PDE1C: variants seen among roughly 807,000 people sequenced by gnomAD.
The protein encoded by PDE1C is dual specificity calcium/calmodulin-dependent 3',5'-cyclic nucleotide phosphodiesterase 1C.
PDE1C carries 62 observed loss-of-function variants against 93.1 expected under a neutral mutation model. The ratio of observed to expected loss-of-function variants is 0.67; its 90% confidence interval spans 0.54 to 0.82. The LOEUF is 0.82. PDE1C is among the 40% of genes least tolerant of loss of function. PDE1C has a pLI of 0.00. For synonymous variants in PDE1C, 325 were observed against 310.1 expected (o/e 1.05, Z -0.50); for missense variants, 742 against 884.6 (o/e 0.84, Z 2.04).
chr7:31,800,120 C>T (rs548539857), intron 16 of PDE1C, among the ~76,000 whole-genome samples: 20 of 151,454 alleles, frequency 1.3e-4, no homozygotes, highest in South Asian at 2.1e-4. Context: ...TTAATTGGGT[C>T]GTTTTCTTAT....
chr7:32,321,571 T>C (rs553358322), intron 1 of PDE1C, among the ~76,000 whole-genome samples: 1 of 152,350 alleles, frequency 6.6e-6, no homozygotes, highest in East Asian at 1.9e-4. Flanking sequence ...TTCCTGCTTC[T>C]CTTCAAGTGA....
intron 2 of PDE1C, among the ~76,000 whole-genome samples, chr7:31,933,967 C>G (rs747118004): frequency 3.9e-5 from 6 of 152,164 alleles, no homozygotes; most frequent in Non-Finnish European, 1.5e-5. Flanking sequence ...GCCTAATACA[C>G]TTAAGAAAAT....
intron 7 of PDE1C, among the ~76,000 whole-genome samples, chr7:31,864,699 T>C (rs902206511): frequency 7.2e-5 from 11 of 152,208 alleles, no homozygotes; most frequent in African/African-American, 2.4e-4. Flanking sequence ...AAATTGGTTA[T>C]AACCCAGTGA....
At chr7:32,282,157 T>TAAA (rs34769998) in intron 1 of PDE1C, among the ~76,000 whole-genome samples, 6 of 134,696 alleles carry the variant, frequency 4.5e-5, no homozygotes, top group Admixed American at 7.5e-5. Context: ...TAAAGTATAA[T>TAAA]AAAAAAAAAA....
chr7:32,005,574 A>AC (rs1786109795), intron 2 of PDE1C, among the ~76,000 whole-genome samples: 4 of 143,694 alleles, frequency 2.8e-5, no homozygotes, highest in Non-Finnish European at 3.1e-5. Context: ...AAAAAAAAAA[A>AC]AAAAAAAGAA....
At chr7:32,387,963 C>T (rs1784674581) in intron 1 of PDE1C, among the ~76,000 whole-genome samples, 1 of 152,184 alleles carries the variant, frequency 6.6e-6, no homozygotes, top group Admixed American at 6.5e-5. Flanking sequence ...TACACTTATG[C>T]CTTTGTGTCC....
At chr7:31,651,367 C>G in the PDE1C span, 1 of 1,354,322 alleles carries the variant, frequency 7.4e-7, no homozygotes, top group African/African-American at 1.5e-5. Flanking sequence ...TGGAGCAGAG[C>G]TAATGAGAAA....
chr7:31,882,220 T>C (rs902401694), intron 2 of PDE1C, among the ~76,000 whole-genome samples: 1 of 152,028 alleles, frequency 6.6e-6, no homozygotes, highest in African/African-American at 2.4e-5. Flanking sequence ...CTGCAATATA[T>C]CAAACGGAAA....
At chr7:32,133,182 A>G (rs1214479638) in intron 3 of PDE1C, among the ~76,000 whole-genome samples, 1 of 152,218 alleles carries the variant, frequency 6.6e-6, no homozygotes, top group Non-Finnish European at 1.5e-5. Flanking sequence ...ACATATATAC[A>G]GCGTTTAAAG....
chr7:31,744,528 T>C, the PDE1C span, among the ~76,000 whole-genome samples: 1 of 152,148 alleles, frequency 6.6e-6, no homozygotes, highest in East Asian at 1.9e-4. Flanking sequence ...GATCTGTTGC[T>C]TGAGTACATC....
At chr7:32,356,691 GTTTAT>G (rs1784036019) in intron 1 of PDE1C, among the ~76,000 whole-genome samples, 1 of 152,170 alleles carries the variant, frequency 6.6e-6, no homozygotes, top group Admixed American at 6.5e-5. Context: ...TGGTCTGTTA[GTTTAT>G]TTTATTTAAT....
chr7:31,661,423 G>T, the PDE1C span, among the ~76,000 whole-genome samples: 18,646 of 152,108 alleles, frequency 0.12, 1,480 homozygotes, highest in South Asian at 0.17. Context: ...ACATAATTGG[G>T]AATATTGGGC....
chr7:31,634,499 A>C, the PDE1C span, among the ~76,000 whole-genome samples: 8 of 152,180 alleles, frequency 5.3e-5, no homozygotes, highest in African/African-American at 1.7e-4. Context: ...CAGAGAGAGT[A>C]AGAGGCAAGC....
intron 2 of PDE1C, among the ~76,000 whole-genome samples, chr7:32,171,606 GTTATTA>G (rs915507173): frequency 6.7e-6 from 1 of 149,782 alleles, no homozygotes; most frequent in East Asian, 2.0e-4. Flanking sequence ...TTTACTTAAT[GTTATTA>G]TTATATTATT....
intron 2 of PDE1C, among the ~76,000 whole-genome samples, chr7:32,181,699 A>G (rs1038541334): frequency 3.3e-5 from 5 of 152,144 alleles, no homozygotes; most frequent in African/African-American, 1.2e-4. Flanking sequence ...AGAAAGCAGG[A>G]AAGATCTAAA....
rs71559203 is a variant in PDE1C at position 31,794,041 on chromosome 7, T to TAGACAGACAGAC, written c.1891+14978_1891+14989dup. On this transcript the variant is annotated intron_variant, in intron 16 of 17. Coordinates refer to ENST00000396191, the MANE Select transcript of PDE1C (RefSeq NM_001191057.4). The stretch of plus-strand genomic sequence containing the variant: ...ATAGATAGATAGATAGATAGATAGA[T>TAGACAGACAGAC]AGACAGACAGACAGACAGACAGACA... Among the ~76,000 whole-genome samples, 74 of 89,568 alleles carry TAGACAGACAGAC rather than the reference T, an allele frequency of 8.3e-4. 1 individual carries two copies. Among genetic ancestry groups the TAGACAGACAGAC allele is most frequent in the East Asian group, 2.5e-3 (7 of 2,784 alleles). 58.8% of individuals were successfully genotyped at this position (89,568 alleles called of 152,430 possible).
chr7:32,122,499 T>C (rs530732352), intron 3 of PDE1C, among the ~76,000 whole-genome samples: 1 of 151,886 alleles, frequency 6.6e-6, no homozygotes, highest in African/African-American at 2.4e-5. Context: ...GCAAAAGAAC[T>C]AAAATCATAA....
the PDE1C span, among the ~76,000 whole-genome samples, chr7:31,740,755 G>C: frequency 6.6e-6 from 1 of 152,222 alleles, no homozygotes; most frequent in Middle Eastern, 3.4e-3. Flanking sequence ...GAGGAAAAAT[G>C]CCTCACTATC....
chr7:32,011,687 C>T (rs1351760750), intron 2 of PDE1C, among the ~76,000 whole-genome samples: 1 of 152,108 alleles, frequency 6.6e-6, no homozygotes. Context: ...CAAGTGTTGA[C>T]AAGGATATGG....
Sources: gnomAD v4.1 joint callset for allele counts (sites outside exome capture counted in the v4.1 genomes callset) on GRCh38, gnomAD v4.1.1 for gene constraint, MANE v1.5 for transcripts, NCBI Gene and HGNC (gene_info 2026-07-23, HGNC 2026-07-21) for gene names.